The following PMFBP1 variants were observed in gnomAD, a reference collection of about 807,000 sequenced individuals.
The protein encoded by PMFBP1 is polyamine modulated factor 1 binding protein 1.
Under a neutral mutation model 137.8 loss-of-function variants are expected in PMFBP1, and 131 were observed. That is an observed-to-expected ratio of 0.95 (90% confidence interval 0.82 to 1.10). The LOEUF (loss-of-function observed/expected upper bound fraction) is 1.10. Ranked by LOEUF, PMFBP1 falls within the 50% of genes least tolerant of loss-of-function variation. The pLI is 0.00. For synonymous variants in PMFBP1, 490 were observed against 450.4 expected (o/e 1.09, Z -1.11); for missense variants, 1,199 against 1,175.4 (o/e 1.02, Z -0.29).
intron 13 of PMFBP1, 78 bp from the exon 14 acceptor site, chr16:72,128,872 C>A (rs1421922892): frequency 1.3e-6 from 2 of 1,581,592 alleles, no homozygotes; most frequent in Non-Finnish European, 8.6e-7. Flanking sequence ...CTCCACCCTC[C>A]CTCTCACCCA....
chr16:72,232,171 A>G, the PMFBP1 span, among the ~76,000 whole-genome samples: 1 of 152,230 alleles, frequency 6.6e-6, no homozygotes, highest in Non-Finnish European at 1.5e-5. Flanking sequence ...TCAATCAACT[A>G]TAAAGAATGT....
chr16:72,119,406 G>C (rs2042342954), intron 20 of PMFBP1, 52 bp from the exon 21 acceptor site: 1 of 1,614,030 alleles, frequency 6.2e-7, no homozygotes, highest in Non-Finnish European at 8.5e-7. Context: ...AAATTAACGA[G>C]GTGATTCCTC....
chr16:72,129,109 T>C lies in PMFBP1; in HGVS notation c.1907A>G (p.Glu636Gly). Residue 636 changes from glutamate to glycine, a missense_variant, in exon 13 of 21, where the codon GAA becomes GGA. By Grantham distance (98) the Glu-to-Gly change is moderately conservative (BLOSUM62 -2). Coordinates refer to ENST00000237353, the MANE Select transcript of PMFBP1 (RefSeq NM_031293.3). ...SKEHEKLMEG[E>G]LEALRQEFKK... Reference sequence around the variant, plus strand: ...AAATTCCTGCCGCAAAGCTTCAAGTTCTCCCTCCATCAGCTTCTCATGCTC... The same window carrying C: ...AAATTCCTGCCGCAAAGCTTCAAGTCCTCCCTCCATCAGCTTCTCATGCTC... 1 of 1,614,178 alleles carries C rather than the reference T, an allele frequency of 6.2e-7. No homozygotes were observed.
chr16:72,130,351 C>T lies in PMFBP1; in HGVS notation c.1644G>A (p.Arg548=). 4.3e-6 allele frequency: 7 copies of T among 1,614,164 alleles called. No individual in the cohort carries two copies. Among genetic ancestry groups the T allele is most frequent in the South Asian group, 1.1e-5 (1 of 91,080 alleles). The change falls in exon 12 of 21, where the codon CGG becomes CGA. Residue 548 remains arginine (R), a synonymous_variant. Transcript: ENST00000237353. ...AEKEQTSNRK[R]VEELSLELSE... is the part of the protein sequence containing the mutation. The stretch of plus-strand genomic sequence containing the variant: ...AGAGTTCTAATGACAGCTCCTCCAC[C>T]CGTTTTCTAAAGCAAAATAACAGCC...
In PMFBP1 at chr16:72,125,994, C is replaced by A. The variant is rs1419782117; in HGVS notation, c.2227G>T (p.Asp743Tyr). 4 of 1,614,148 alleles carry A rather than the reference C, an allele frequency of 2.5e-6. No individual in the cohort carries two copies. Among genetic ancestry groups the A allele is most frequent in the Non-Finnish European group, 3.4e-6 (4 of 1,180,008 alleles). ...ALSRKSAACQ[D>Y]DLTQALEKLN... ...TTCTCGAGGGCTTGTGTCAGGTCATCCTGGCAGGCGGCTGACTTCCGGGAT... is the reference window on the plus strand; with the variant it reads ...TTCTCGAGGGCTTGTGTCAGGTCATACTGGCAGGCGGCTGACTTCCGGGAT... The change falls in exon 15 of 21, where the codon GAT becomes TAT. Residue 743 changes from aspartate (D) to tyrosine (Y), a missense_variant. Transcript: ENST00000237353.
Position 72,136,415 on chromosome 16 carries a change from A to C in PMFBP1, c.1203+33T>G, listed in dbSNP as rs750655998. 6 of 1,604,624 alleles carry C rather than the reference A, an allele frequency of 3.7e-6. No individual in the cohort carries two copies. In the East Asian group the frequency reaches 1.1e-4, roughly 30 times the overall value. On this transcript the variant is annotated intron_variant, in intron 9 of 20. Coordinates refer to ENST00000237353, the MANE Select transcript of PMFBP1 (RefSeq NM_031293.3). ...CAGGACATGGCCTCACACCTGCCCC[A>C]TTGGGAACCCCAACCAGAGTTCCTC...
the PMFBP1 span, among the ~76,000 whole-genome samples, chr16:72,244,575 C>G: frequency 6.6e-6 from 1 of 152,164 alleles, no homozygotes; most frequent in Non-Finnish European, 1.5e-5. Context: ...ATTCCAGCCA[C>G]ATAAAACAAG....
At chr16:72,200,562 T>C in the PMFBP1 span, among the ~76,000 whole-genome samples, 1 of 152,154 alleles carries the variant, frequency 6.6e-6, no homozygotes, top group African/African-American at 2.4e-5. Flanking sequence ...AGAGGAAAGA[T>C]GGTGAGAGAA....
the PMFBP1 span, among the ~76,000 whole-genome samples, chr16:72,202,175 T>C: frequency 6.6e-6 from 1 of 152,096 alleles, no homozygotes; most frequent in African/African-American, 2.4e-5. Flanking sequence ...TGGAGCTGGA[T>C]CTTAAAGGAC....
intron 3 of PMFBP1, chr16:72,164,471 T>C: frequency 7.1e-7 from 1 of 1,404,278 alleles, no homozygotes. Context: ...TGATCTGATA[T>C]TTTCAGGGCA....
intron 5 of PMFBP1, among the ~76,000 whole-genome samples, chr16:72,149,915 A>G (rs1208083742): frequency 6.6e-6 from 1 of 152,242 alleles, no homozygotes; most frequent in Non-Finnish European, 1.5e-5. Context: ...AGGATTCTCA[A>G]CACATGATTC....
the PMFBP1 span, among the ~76,000 whole-genome samples, chr16:72,218,664 A>T: frequency 1.3e-5 from 2 of 152,202 alleles, no homozygotes; most frequent in Admixed American, 1.3e-4. Context: ...TTCTAACCTC[A>T]TGTGCAAAAC....
chr16:72,157,736 G>A (rs2043004089), intron 3 of PMFBP1, among the ~76,000 whole-genome samples: 1 of 152,178 alleles, frequency 6.6e-6, no homozygotes, highest in Non-Finnish European at 1.5e-5. Context: ...GCTGTTTATT[G>A]GAAATCAACT....
At chr16:72,197,395 A>G in the PMFBP1 span, among the ~76,000 whole-genome samples, 1 of 152,212 alleles carries the variant, frequency 6.6e-6, no homozygotes, top group Non-Finnish European at 1.5e-5. Context: ...CTTTCTCAGG[A>G]AAGGTTTAGT....
chr16:72,233,653 G>T, the PMFBP1 span, among the ~76,000 whole-genome samples: 1 of 152,068 alleles, frequency 6.6e-6, no homozygotes, highest in African/African-American at 2.4e-5. Context: ...CGTGTACAGA[G>T]CTGTGTAACT....
At chr16:72,168,751 C>T (rs1424395211) in intron 2 of PMFBP1, among the ~76,000 whole-genome samples, 1 of 152,198 alleles carries the variant, frequency 6.6e-6, no homozygotes, top group Non-Finnish European at 1.5e-5. Flanking sequence ...TGCTTTGAAA[C>T]ATATGACAGC....
the PMFBP1 span, among the ~76,000 whole-genome samples, chr16:72,239,959 T>C: frequency 6.9e-5 from 10 of 144,782 alleles, no homozygotes; most frequent in African/African-American, 2.3e-4. Flanking sequence ...AGAAAACCCA[T>C]GAGGTTTAAT....
chr16:72,243,510 G>T, the PMFBP1 span, among the ~76,000 whole-genome samples: 1 of 152,192 alleles, frequency 6.6e-6, no homozygotes, highest in Non-Finnish European at 1.5e-5. Context: ...CTTGTATACT[G>T]GTGTAAATTG....
At chr16:72,178,182 T>C (rs9972770), upstream of PMFBP1, among the ~76,000 whole-genome samples, 6,075 of 152,230 alleles carry the variant, frequency 0.04, 373 homozygotes, top group African/African-American at 0.14. Flanking sequence ...TGTGCTGAGA[T>C]TGAGGCTATG....
Sources: allele counts gnomAD v4.1 joint callset (sites outside exome capture counted in the v4.1 genomes callset), GRCh38; gene constraint gnomAD v4.1.1; transcripts MANE v1.5; gene names NCBI Gene and HGNC (gene_info 2026-07-23, HGNC 2026-07-21).